PIP4K2C: variants seen among roughly 807,000 people sequenced by gnomAD.
The protein encoded by PIP4K2C is phosphatidylinositol 5-phosphate 4-kinase type-2 gamma.
In PIP4K2C, 21 loss-of-function variants were observed where a neutral mutation model predicts 45.0. The ratio of observed to expected loss-of-function variants is 0.47; its 90% CI spans 0.33 to 0.67. The LOEUF (loss-of-function observed/expected upper bound fraction) is 0.67. PIP4K2C is among the 30% of genes least tolerant of loss of function. The probability of loss-of-function intolerance (pLI) is 0.02; values close to 1 mark genes in which losing one functional copy is unlikely to be tolerated. For missense variants in PIP4K2C, 456 were observed against 542.8 expected, an observed-to-expected ratio of 0.84 and a Z score of 1.59; for synonymous variants, 201 against 204.8, an observed-to-expected ratio of 0.98 and a Z score of 0.16.
chr12:57,595,055 A>G, intron 2 of PIP4K2C, 71 bp from the exon 3 acceptor site: 1 of 951,524 alleles, frequency 1.1e-6, no homozygotes, highest in Non-Finnish European at 1.7e-6. Flanking sequence ...GTCTGAAGGT[A>G]CTTTATAAAC....
chr12:57,591,865 A>G (rs1882976797), intron 1 of PIP4K2C, among the ~76,000 whole-genome samples: 1 of 151,980 alleles, frequency 6.6e-6, no homozygotes, highest in Admixed American at 6.6e-5. Context: ...CGAGGGGAGT[A>G]GATGGATGAA....
intron 9 of PIP4K2C, 34 bp downstream of exon 9, chr12:57,601,382 T>C: frequency 6.3e-7 from 1 of 1,577,322 alleles, no homozygotes; most frequent in Non-Finnish European, 8.7e-7. Flanking sequence ...CTTTCCTGTC[T>C]TGACTATTCT....
intron 9 of PIP4K2C, 38 bp from the exon 10 acceptor site, chr12:57,601,488 G>A (rs757660825): frequency 7.6e-6 from 12 of 1,580,804 alleles, no homozygotes; most frequent in Non-Finnish European, 1.0e-5. Flanking sequence ...ACGGGTGCTA[G>A]GGTGGCCTGA....
Position 57,601,818 on chromosome 12 carries a change from C to T in PIP4K2C, c.*212C>T. 1 of 579,192 alleles carries T rather than the reference C, an allele frequency of 1.7e-6. No homozygotes were observed. The highest frequency in any genetic ancestry group is 2.1e-5 in the South Asian group (1 of 48,126). 35.9% of individuals were successfully genotyped at this position (579,192 alleles called of 1,614,324 possible). ...TTTCCTCTTTGCCCATTTTTCTTCC[C>T]TCTCTTCCTCCCCATGAGAAGTCTG... On this transcript the variant is annotated 3_prime_UTR_variant, in exon 10 of 10. Coordinates refer to ENST00000354947, the MANE Select transcript of PIP4K2C (RefSeq NM_024779.5).
intron 4 of PIP4K2C, 31 bp downstream of exon 4, chr12:57,596,062 C>T (rs767904400): frequency 1.9e-6 from 3 of 1,600,624 alleles, no homozygotes; most frequent in Non-Finnish European, 1.7e-6. Flanking sequence ...CATTCTTTCC[C>T]TCTCCTCCCT....
At chr12:57,597,632 G>C (rs1883248042) in intron 4 of PIP4K2C, among the ~76,000 whole-genome samples, 1 of 152,164 alleles carries the variant, frequency 6.6e-6, no homozygotes. Context: ...GAGGTTGTGT[G>C]CAGTGAAATG....
chr12:57,595,845 TAA>T, intron 3 of PIP4K2C, 41 bp from the exon 4 acceptor site: 1 of 1,607,598 alleles, frequency 6.2e-7, no homozygotes, highest in Non-Finnish European at 8.5e-7. Flanking sequence ...TTTCTGCATA[TAA>T]AGAGGGAGGA....
chr12:57,595,909 C>CG lies in PIP4K2C; in HGVS notation c.391_392insG (p.Pro131ArgfsTer5). Reference sequence around the variant, plus strand: ...CCAGGTGTCCCTTACCCGAAACCCCCCCAGCGAAAGTGAAGGCAGTGATGG... The same window carrying CG: ...CCAGGTGTCCCTTACCCGAAACCCCCGCCAGCGAAAGTGAAGGCAGTGATGG... On this transcript the variant is annotated frameshift_variant, in exon 4 of 10. Transcript: ENST00000354947. LOFTEE classifies it high-confidence loss of function. 1 of 1,614,068 alleles carries CG rather than the reference C, an allele frequency of 6.2e-7. No individual in the cohort carries two copies. The highest frequency in any genetic ancestry group is 8.5e-7 in the Non-Finnish European group (1 of 1,180,012).
At position 57,591,362 on chromosome 12, in the gene PIP4K2C, G is replaced by A. The variant is rs201317274; in HGVS notation, c.73G>A (p.Ala25Thr). The part of the protein sequence containing the change: ...TAGPGPGFGF[A>T]SKTKKKHFVQ... ...AGGCCCCGGCCCAGGTTTCGGCTTC[G>A]CCTCCAAGACCAAGAAGAAGCATTT... Residue 25 changes from alanine to threonine, a missense_variant, in exon 1 of 10, where the codon GCC becomes ACC. Transcript: ENST00000354947. 6.2e-7 allele frequency: 1 copy of A among 1,613,694 alleles called. No homozygotes were observed. The highest frequency in any genetic ancestry group is 1.7e-5 in the Admixed American group (1 of 60,000).
At chr12:57,601,204 T>C in intron 8 of PIP4K2C, 41 bp from the exon 9 acceptor site, 2 of 1,595,252 alleles carry the variant, frequency 1.3e-6, no homozygotes, top group African/African-American at 1.3e-5. Flanking sequence ...AGAAAGGGAA[T>C]TGGAACTAAA....
At position 57,591,239 on chromosome 12, in the gene PIP4K2C, C is replaced by T; in HGVS notation, c.-51C>T. 2 of 1,552,498 alleles carry T rather than the reference C, an allele frequency of 1.3e-6. No homozygotes were observed. The highest frequency in any genetic ancestry group is 1.7e-6 in the Non-Finnish European group (2 of 1,145,124). On this transcript the variant is annotated 5_prime_UTR_variant, in exon 1 of 10. Coordinates refer to ENST00000354947, the MANE Select transcript of PIP4K2C (RefSeq NM_024779.5). ...TGAGCGCCGCTTCCGGGGTCGGGCGCCTGGATAGCTGCCGGCTCCGGCTTC... is the reference window on the plus strand; with the variant it reads ...TGAGCGCCGCTTCCGGGGTCGGGCGTCTGGATAGCTGCCGGCTCCGGCTTC...
At position 57,591,277 on chromosome 12, in the gene PIP4K2C, T is replaced by C. The variant is rs1207085607; in HGVS notation, c.-13T>C. 2 of 1,595,262 alleles carry C rather than the reference T, an allele frequency of 1.3e-6. No homozygotes were observed. Among genetic ancestry groups the C allele is most frequent in the Non-Finnish European group, 1.7e-6 (2 of 1,167,596 alleles). ...CGGCTCCGGCTTCCACTTGGTCGGT[T>C]GCGCGGGAGACTATGGCGTCCTCCT... On this transcript the variant is annotated 5_prime_UTR_variant, in exon 1 of 10. Transcript: ENST00000354947.
chr12:57,594,841 A>G (rs1290792651), intron 2 of PIP4K2C, among the ~76,000 whole-genome samples: 2 of 152,080 alleles, frequency 1.3e-5, no homozygotes, highest in African/African-American at 2.4e-5. Context: ...ATGGTGGCGC[A>G]TGCCTGTAGT....
chr12:57,596,021 A>G lies in PIP4K2C; in HGVS notation c.503A>G (p.Asn168Ser), dbSNP rs765008879. The change falls in exon 4 of 10, where the codon AAC becomes AGC. Residue 168 changes from asparagine to serine, a missense_variant. By Grantham distance (46) the Asn-to-Ser change is conservative. Transcript: ENST00000354947. ...GCTGACATGCATAGCAACCTCTCCA[A>G]CTATCACCAGGTCAGGCCTCTCTCT... is the stretch of plus-strand genomic sequence containing the variant. Reference protein sequence around the residue: ...DIADMHSNLSNYHQYIVKCHG... With the variant: ...DIADMHSNLSSYHQYIVKCHG... 11 of 1,613,694 alleles carry G rather than the reference A, an allele frequency of 6.8e-6. No homozygotes were observed. Among genetic ancestry groups the G allele is most frequent in the Middle Eastern group, 1.6e-4 (1 of 6,084 alleles).
At chr12:57,594,200 T>A in intron 2 of PIP4K2C, 78 bp downstream of exon 2, 1 of 1,207,302 alleles carries the variant, frequency 8.3e-7, no homozygotes, top group Non-Finnish European at 1.2e-6. Flanking sequence ...TTTCAGTGAG[T>A]TGAAAATTTA....
intron 1 of PIP4K2C, among the ~76,000 whole-genome samples, 198 bp from the exon 2 acceptor site, chr12:57,593,827 G>A (rs1883075755): frequency 1.3e-5 from 2 of 151,738 alleles, no homozygotes; most frequent in African/African-American, 2.4e-5. Context: ...CTGTGTGTGA[G>A]GGTTGCTTAC....
chr12:57,594,157 T>G, intron 2 of PIP4K2C, 35 bp downstream of exon 2: 1 of 1,513,788 alleles, frequency 6.6e-7, no homozygotes, highest in Non-Finnish European at 9.0e-7. Context: ...CATGTCAACC[T>G]TCCCAGAAAG....
rs140834378 is a variant in PIP4K2C, at chr12:57,595,153, C to G, written c.300C>G (p.Phe100Leu). The G allele has an allele frequency of 3.1e-6, 5 of 1,610,658 alleles. No individual in the cohort carries two copies. Among genetic ancestry groups the G allele is most frequent in the Non-Finnish European group, 3.4e-6 (4 of 1,177,106 alleles). ...AAAATCTGCCCAGTCATTTCAAGTTCAAGGAGTATTGTCCCCAGGTCTTCA... is the reference window on the plus strand; with the variant it reads ...AAAATCTGCCCAGTCATTTCAAGTTGAAGGAGTATTGTCCCCAGGTCTTCA... ...HRENLPSHFK[F>L]KEYCPQVFRN... is the part of the protein sequence containing the mutation. Residue 100 changes from phenylalanine (F) to leucine (L), a missense_variant, in exon 3 of 10, where the codon TTC (phenylalanine) becomes TTG (leucine). By Grantham distance (22) the Phe-to-Leu change is conservative (BLOSUM62 0). This residue lies in a region of PIP4K2C where 421 missense variants were observed against 473.1 expected (regional missense o/e 0.89). Coordinates refer to ENST00000354947, the MANE Select transcript of PIP4K2C (RefSeq NM_024779.5).
At chr12:57,594,614 G>A (rs182474130) in intron 2 of PIP4K2C, among the ~76,000 whole-genome samples, 8 of 152,234 alleles carry the variant, frequency 5.3e-5, no homozygotes, top group Admixed American at 5.2e-4. Context: ...TACTTAGGCA[G>A]GTCACTGAAT....
Sources: gnomAD v4.1 joint callset for allele counts (sites outside exome capture counted in the v4.1 genomes callset) on GRCh38, gnomAD v4.1.1 for gene constraint, gnomAD v4.1.1 regional missense constraint, MANE v1.5 for transcripts, NCBI Gene and HGNC (gene_info 2026-07-23, HGNC 2026-07-21) for gene names.